DIP2C: variants seen among roughly 807,000 people sequenced by gnomAD.
DIP2C encodes DIP2 acetate--CoA ligase C (putative).
A neutral mutation model predicts 192.4 loss-of-function variants in DIP2C; 33 were observed. The observed-to-expected ratio is 0.17, with a 90% CI of 0.13 to 0.23. The LOEUF is 0.23. Among genes scored for constraint, DIP2C ranks in the 10% least tolerant of loss-of-function variants. DIP2C has a pLI of 1.00. For missense variants in DIP2C, 1,537 were observed against 2,110.1 expected (o/e 0.73, Z 5.32); for synonymous variants, 979 against 864.1 (o/e 1.13, Z -2.33).
At chr10:639,637 T>C (rs1855052896) in intron 1 of DIP2C, among the ~76,000 whole-genome samples, 1 of 152,252 alleles carries the variant, frequency 6.6e-6, no homozygotes, top group African/African-American at 2.4e-5. Context: ...AAGCTCGCCT[T>C]GGAGGCATTT....
intron 8 of DIP2C, among the ~76,000 whole-genome samples, chr10:409,656 C>T (rs7072510): frequency 0.56 from 85,784 of 152,098 alleles, 24,240 homozygotes; most frequent in East Asian, 0.7. Flanking sequence ...CCGGTGACGT[C>T]CCTCATCCAC....
At chr10:401,458 T>C (rs1055663501) in intron 9 of DIP2C, among the ~76,000 whole-genome samples, 2 of 150,922 alleles carry the variant, frequency 1.3e-5, no homozygotes, top group Non-Finnish European at 2.9e-5. Context: ...TACTATTCCT[T>C]ATGGACAAGT....
intron 13 of DIP2C, among the ~76,000 whole-genome samples, chr10:388,464 C>A (rs768361790): frequency 1.3e-4 from 20 of 152,216 alleles, no homozygotes; most frequent in Non-Finnish European, 2.2e-4. Context: ...GTCTCACCTC[C>A]CCTTCCAAAG....
At chr10:334,612 C>T (rs1330391345) in intron 29 of DIP2C, among the ~76,000 whole-genome samples, 5 of 152,152 alleles carry the variant, frequency 3.3e-5, no homozygotes, top group East Asian at 3.9e-4. Flanking sequence ...AGGTATATGA[C>T]GTTGAGTCAA....
intron 32 of DIP2C, among the ~76,000 whole-genome samples, chr10:306,924 G>A (rs1956350229): frequency 6.6e-6 from 1 of 152,188 alleles, no homozygotes; most frequent in African/African-American, 2.4e-5. Flanking sequence ...GTTGGAGGTG[G>A]GGCCTAATGG....
At chr10:393,441 A>G (rs1963652901) in intron 10 of DIP2C, among the ~76,000 whole-genome samples, 1 of 152,204 alleles carries the variant, frequency 6.6e-6, no homozygotes, top group Non-Finnish European at 1.5e-5. Context: ...CAGGTCCATG[A>G]AAAGGTGCTC....
chr10:610,680 T>C (rs1048707732), intron 1 of DIP2C, among the ~76,000 whole-genome samples: 2 of 152,218 alleles, frequency 1.3e-5, no homozygotes, highest in African/African-American at 4.8e-5. Flanking sequence ...CCAAATCTCA[T>C]GCTGAACTGT....
chr10:599,935 C>T (rs1157199236), intron 1 of DIP2C, among the ~76,000 whole-genome samples: 5 of 152,148 alleles, frequency 3.3e-5, no homozygotes, highest in African/African-American at 4.8e-5. Context: ...CTGTGTACAC[C>T]TCAAGAGGCC....
chr10:309,941 C>T (rs1382400676), intron 32 of DIP2C, 90 bp downstream of exon 32: 32 of 1,250,466 alleles, frequency 2.6e-5, no homozygotes, highest in Non-Finnish European at 3.4e-5. Context: ...ACATCGTGTG[C>T]ACCTCTTCTT....
intron 19 of DIP2C, chr10:364,940 G>A: frequency 1.9e-6 from 1 of 538,572 alleles, no homozygotes; most frequent in Non-Finnish European, 3.7e-6. Context: ...GAAGAGTCAA[G>A]GTACATTTTA....
In DIP2C at chr10:359,675, A is replaced by G. The variant is rs147047653; in HGVS notation, c.2795-1738T>C. Among the ~76,000 whole-genome samples, 277 of 152,292 alleles carry G rather than the reference A, an allele frequency of 1.8e-3. 1 individual carries two copies. Among genetic ancestry groups the G allele is most frequent in the South Asian group, 0.014 (67 of 4,820 alleles). On this transcript the variant is annotated intron_variant, in intron 22 of 36. Transcript: ENST00000280886. Reference sequence around the variant, plus strand: ...GAACAATTGCCCCTCTGTGATCTCCAAACACCTGGGAGCCCCTGCACGATC... The same window carrying G: ...GAACAATTGCCCCTCTGTGATCTCCGAACACCTGGGAGCCCCTGCACGATC...
intron 17 of DIP2C, among the ~76,000 whole-genome samples, chr10:380,782 T>G (rs866958449): frequency 1.3e-5 from 2 of 152,246 alleles, no homozygotes; most frequent in Admixed American, 1.3e-4. Flanking sequence ...AGTACAGCTT[T>G]ACGGAATGTA....
intron 32 of DIP2C, among the ~76,000 whole-genome samples, chr10:301,942 A>T (rs1956071975): frequency 6.6e-6 from 1 of 152,140 alleles, no homozygotes; most frequent in Admixed American, 6.5e-5. Flanking sequence ...TTTATTTTTC[A>T]TTCGGTTTTC....
At chr10:574,511 A>T (rs1265603238) in intron 1 of DIP2C, among the ~76,000 whole-genome samples, 1 of 152,116 alleles carries the variant, frequency 6.6e-6, no homozygotes, top group Non-Finnish European at 1.5e-5. Flanking sequence ...AGCTAAATGG[A>T]AACAGGGTAC....
intron 1 of DIP2C, among the ~76,000 whole-genome samples, chr10:676,230 C>G (rs1189011850): frequency 1.3e-5 from 2 of 152,178 alleles, no homozygotes; most frequent in African/African-American, 2.4e-5. Flanking sequence ...GATAAAAACT[C>G]TCAACAAACT....
At chr10:305,118 T>G (rs1212513803) in intron 32 of DIP2C, among the ~76,000 whole-genome samples, 2 of 152,088 alleles carry the variant, frequency 1.3e-5, no homozygotes, top group East Asian at 3.9e-4. Context: ...ACACGTACAC[T>G]TGTAACACAC....
intron 14 of DIP2C, among the ~76,000 whole-genome samples, chr10:385,872 T>C (rs1011463737): frequency 6.6e-6 from 1 of 152,096 alleles, no homozygotes; most frequent in Admixed American, 6.5e-5. Context: ...CAAAAAAGCA[T>C]GTGCCTTCAC....
At chr10:325,013 C>T (rs369199972) in intron 31 of DIP2C, 16 of 521,492 alleles carry the variant, frequency 3.1e-5, no homozygotes, top group Middle Eastern at 3.2e-4. Flanking sequence ...TGCCTGTAAT[C>T]CCAGCACTTT....
intron 32 of DIP2C, among the ~76,000 whole-genome samples, chr10:304,941 C>T (rs941798186): frequency 1.3e-5 from 2 of 152,150 alleles, no homozygotes; most frequent in African/African-American, 4.8e-5. Flanking sequence ...TATTTGTATG[C>T]ACACACACGA....
Sources: gnomAD v4.1 joint callset for allele counts (sites outside exome capture counted in the v4.1 genomes callset) on GRCh38, gnomAD v4.1.1 for gene constraint, MANE v1.5 for transcripts, NCBI Gene and HGNC (gene_info 2026-07-23, HGNC 2026-07-21) for gene names.